The following ANKRD30BL variants were observed in gnomAD, a reference collection of about 807,000 sequenced individuals.
The protein encoded by ANKRD30BL is ankyrin repeat domain 30B like.
A neutral mutation model predicts 18.4 loss-of-function variants in ANKRD30BL; 20 were observed. The observed-to-expected ratio is 1.09, with a 90% CI of 0.77 to 1.58. The LOEUF (loss-of-function observed/expected upper bound fraction) is 1.58. ANKRD30BL is among the 40% of genes most tolerant of loss of function. ANKRD30BL has a pLI of 0.00. For missense variants in ANKRD30BL, 224 were observed against 268.6 expected, an observed-to-expected ratio of 0.83 and a Z score of 1.16; for synonymous variants, 72 against 100.9, an observed-to-expected ratio of 0.71 and a Z score of 1.72.
chr2:132,151,466 A>G (rs186565230), intron 4 of ANKRD30BL, among the ~76,000 whole-genome samples: 31 of 152,242 alleles, frequency 2.0e-4, no homozygotes, highest in African/African-American at 7.0e-4. Flanking sequence ...AAAATTCCCA[A>G]TAAAACCCAA....
chr2:132,203,787 T>A (rs1206254830), intron 1 of ANKRD30BL, among the ~76,000 whole-genome samples: 1 of 152,098 alleles, frequency 6.6e-6, no homozygotes, highest in African/African-American at 2.4e-5. Flanking sequence ...CTCACAATAA[T>A]TAATATGTAA....
intron 1 of ANKRD30BL, among the ~76,000 whole-genome samples, chr2:132,221,135 C>T (rs545143254): frequency 6.9e-4 from 101 of 147,388 alleles, no homozygotes; most frequent in Non-Finnish European, 1.3e-3. Context: ...GCAGCCACCC[C>T]GTCTGGGAAG....
At position 132,207,491 on chromosome 2, in the gene ANKRD30BL, C is replaced by G. The variant is rs553350116; in HGVS notation, n.441+50038G>C. 1.7e-3 allele frequency among the ~76,000 whole-genome samples: 261 copies of G among 150,842 alleles called. 1 individual carries two copies. Among genetic ancestry groups the G allele is most frequent in the African/African-American group, 6.1e-3 (248 of 40,974 alleles). ...CAGGTTCTTTCAAATCTCTGATTAT[C>G]GGACCAAACCATAAGGTCCTCCACG... On this transcript the variant is annotated intron_variant and non_coding_transcript_variant, in intron 1 of 4. Coordinates refer to the ANKRD30BL transcript ENST00000470729.
intron 4 of ANKRD30BL, among the ~76,000 whole-genome samples, chr2:132,154,365 A>T (rs764344833): frequency 2.0e-5 from 3 of 152,256 alleles, no homozygotes; most frequent in Non-Finnish European, 4.4e-5. Flanking sequence ...CTAAAAATTC[A>T]TACTTCTTAA....
intron 1 of ANKRD30BL, among the ~76,000 whole-genome samples, chr2:132,240,898 G>C (rs1255879276): frequency 6.6e-6 from 1 of 151,870 alleles, no homozygotes; most frequent in African/African-American, 2.4e-5. Context: ...TCAACTGTCA[G>C]AATTGAACCT....
chr2:132,167,041 A>C (rs1413220658), intron 1 of ANKRD30BL, among the ~76,000 whole-genome samples: 6 of 150,870 alleles, frequency 4.0e-5, no homozygotes, highest in Non-Finnish European at 7.4e-5. Context: ...TTTGGGATGC[A>C]TTTAGATGTT....
At chr2:132,219,000 C>T (rs1195514755) in intron 1 of ANKRD30BL, among the ~76,000 whole-genome samples, 1 of 152,160 alleles carries the variant, frequency 6.6e-6, no homozygotes, top group East Asian at 1.9e-4. Flanking sequence ...CAGAAGCATT[C>T]TCAGAAACTT....
At chr2:132,179,858 TAACACAAAA>T (rs1688432165) in intron 1 of ANKRD30BL, among the ~76,000 whole-genome samples, 10 of 152,062 alleles carry the variant, frequency 6.6e-5, no homozygotes, top group Admixed American at 5.2e-4. Context: ...AGTTAAAAAG[TAACACAAAA>T]ATTAAAAATT....
At chr2:132,236,934 A>T (rs1256850021) in intron 1 of ANKRD30BL, among the ~76,000 whole-genome samples, 2 of 151,896 alleles carry the variant, frequency 1.3e-5, no homozygotes, top group Non-Finnish European at 2.9e-5. Flanking sequence ...ACCATGGAAT[A>T]CTATGCAGCC....
At chr2:132,253,373 G>C (rs1405851150) in intron 1 of ANKRD30BL, 1 of 152,500 alleles carries the variant, frequency 6.6e-6, no homozygotes, top group African/African-American at 2.4e-5. Flanking sequence ...ACGTCACCCA[G>C]AGGGGTTACC....
intron 1 of ANKRD30BL, among the ~76,000 whole-genome samples, chr2:132,237,964 C>A (rs1179588577): frequency 1.3e-5 from 2 of 151,884 alleles, no homozygotes; most frequent in African/African-American, 4.8e-5. Flanking sequence ...AATATCTTCA[C>A]ATAAAAACCA....
chr2:132,256,845 C>A, intron 1 of ANKRD30BL: 3 of 421,904 alleles, frequency 7.1e-6, no homozygotes, highest in Non-Finnish European at 1.4e-5. Context: ...CCACCACAGC[C>A]TAAGGCGGTG....
At chr2:132,217,104 C>A (rs1322494933) in intron 1 of ANKRD30BL, among the ~76,000 whole-genome samples, 3 of 151,392 alleles carry the variant, frequency 2.0e-5, no homozygotes, top group African/African-American at 7.3e-5. Flanking sequence ...CACATAAAAA[C>A]TAGACAGAAG....
At chr2:132,175,145 G>A (rs941621570) in intron 1 of ANKRD30BL, among the ~76,000 whole-genome samples, 13 of 152,124 alleles carry the variant, frequency 8.5e-5, no homozygotes, top group East Asian at 5.8e-4. Context: ...GGGGACTGGC[G>A]CTCAGCATAC....
intron 1 of ANKRD30BL, among the ~76,000 whole-genome samples, chr2:132,255,037 C>T (rs978076888): frequency 2.6e-5 from 4 of 152,190 alleles, no homozygotes; most frequent in Non-Finnish European, 2.9e-5. Flanking sequence ...ACCATACTCC[C>T]CTCGGAACCC....
At chr2:132,221,897 G>T (rs1185742208) in intron 1 of ANKRD30BL, among the ~76,000 whole-genome samples, 1 of 122,226 alleles carries the variant, frequency 8.2e-6, no homozygotes, top group Non-Finnish European at 1.6e-5. Flanking sequence ...CCAGCCAGCC[G>T]CCCCGTCTGG....
intron 1 of ANKRD30BL, among the ~76,000 whole-genome samples, chr2:132,220,209 T>C (rs1360943325): frequency 6.6e-6 from 1 of 152,182 alleles, no homozygotes; most frequent in East Asian, 1.9e-4. Flanking sequence ...GAAACTTCTT[T>C]GTGTTGTGTG....
chr2:132,190,820 C>T lies in ANKRD30BL; in HGVS notation n.442-33674G>A, dbSNP rs1678830182. Among the ~76,000 whole-genome samples the T allele has an allele frequency of 2.0e-5, 3 of 152,114 alleles. No homozygotes were observed. In the South Asian group the frequency reaches 6.2e-4, roughly 32 times the overall value. On this transcript the variant is annotated intron_variant and non_coding_transcript_variant, in intron 1 of 4. Coordinates refer to the ANKRD30BL transcript ENST00000470729. ...TTGTTTCAGACATTTCCCCTAAAAA[C>T]TATCCTACATAAGGAAATTTCCTTT...
chr2:132,214,971 T>C (rs991357283), intron 1 of ANKRD30BL, among the ~76,000 whole-genome samples: 11 of 152,078 alleles, frequency 7.2e-5, no homozygotes, highest in Admixed American at 5.9e-4. Flanking sequence ...CAAGTGGACA[T>C]TTGGAGAGCT....
Sources: allele counts gnomAD v4.1 joint callset (sites outside exome capture counted in the v4.1 genomes callset), GRCh38; gene constraint gnomAD v4.1.1; transcripts MANE v1.5; gene names NCBI Gene and HGNC (gene_info 2026-07-23, HGNC 2026-07-21).